The following ADAMTS6 variants were observed in gnomAD, a reference collection of about 807,000 sequenced individuals.
ADAMTS6 encodes A disintegrin and metalloproteinase with thrombospondin motifs 6.
In ADAMTS6, 23 loss-of-function variants were observed where a neutral mutation model predicts 144.3. That is an observed-to-expected ratio of 0.16 (90% CI 0.11 to 0.23). The LOEUF (loss-of-function observed/expected upper bound fraction) is 0.23, where lower values mean the gene tolerates loss of function less well. ADAMTS6 is among the 10% of genes least tolerant of loss of function. The pLI, the probability that ADAMTS6 is intolerant of heterozygous loss-of-function variation, is 1.00. For missense variants in ADAMTS6, 999 were observed against 1,379.6 expected (o/e 0.72, Z 4.37); for synonymous variants, 444 against 457.5 (o/e 0.97, Z 0.38).
rs781071055 is a variant in ADAMTS6 at position 65,197,119 on chromosome 5, A to G, written c.2608T>C (p.Leu870=). Residue 870 remains leucine, a synonymous_variant, in exon 21 of 25, where the codon TTG becomes CTG. Transcript: ENST00000381055. The part of the protein sequence containing the change: ...VQRQEVVCKR[L]DDNSIVQNNY... ...TTCTGGACAATGGAGTTGTCATCCA[A>G]CCTTTTACAGACCACCTCCTGTCTT... 11 of 1,613,970 alleles carry G rather than the reference A, an allele frequency of 6.8e-6. No individual in the cohort carries two copies. Among genetic ancestry groups the G allele is most frequent in the Non-Finnish European group, 8.5e-6 (10 of 1,179,910 alleles).
chr5:65,414,180 A>G lies in ADAMTS6; in HGVS notation c.1073+37295T>C, dbSNP rs141910826. ...CAGTTTACTACTACTCTTAGCTCAT[A>G]CCCCTTTGTCTATCACATTTTCTTA... On this transcript the variant is annotated intron_variant, in intron 7 of 24. Coordinates refer to ENST00000381055, the MANE Select transcript of ADAMTS6 (RefSeq NM_197941.4). 2.5e-3 allele frequency among the ~76,000 whole-genome samples: 385 copies of G among 152,186 alleles called. 4 individuals carry two copies. The highest frequency in any genetic ancestry group is 9.0e-3 in the African/African-American group (373 of 41,536).
chr5:65,172,688 T>A (rs1414371408), intron 23 of ADAMTS6, 144 bp downstream of exon 23: 1 of 941,052 alleles, frequency 1.1e-6, no homozygotes, highest in Non-Finnish European at 1.5e-6. Flanking sequence ...GTTTGTGCAC[T>A]GTTTCACACT....
intron 22 of ADAMTS6, among the ~76,000 whole-genome samples, chr5:65,174,696 T>G (rs1753859146): frequency 6.6e-6 from 1 of 152,170 alleles, no homozygotes; most frequent in African/African-American, 2.4e-5. Context: ...TTGGTTTTGT[T>G]TTTGACCTGG....
At chr5:65,279,675 T>G (rs188165819) in intron 11 of ADAMTS6, among the ~76,000 whole-genome samples, 1 of 152,332 alleles carries the variant, frequency 6.6e-6, no homozygotes, top group Non-Finnish European at 1.5e-5. Flanking sequence ...TGCTCTGATT[T>G]CTATGTCTTT....
intron 14 of ADAMTS6, among the ~76,000 whole-genome samples, chr5:65,242,837 C>G (rs1759311300): frequency 1.3e-5 from 2 of 151,926 alleles, no homozygotes; most frequent in Admixed American, 6.6e-5. Flanking sequence ...CAAAATGGCC[C>G]AAAACATGTA....
At chr5:65,274,544 G>A (rs988050506) in intron 11 of ADAMTS6, among the ~76,000 whole-genome samples, 1 of 151,998 alleles carries the variant, frequency 6.6e-6, no homozygotes. Flanking sequence ...ATGAAATATC[G>A]ATGTCACTGG....
intron 7 of ADAMTS6, among the ~76,000 whole-genome samples, chr5:65,419,237 T>A (rs1005704966): frequency 5.9e-5 from 9 of 152,178 alleles, no homozygotes; most frequent in African/African-American, 2.2e-4. Flanking sequence ...TAAAATCATG[T>A]CCTTTGCAGC....
chr5:65,436,342 A>G (rs1018609476), intron 7 of ADAMTS6, among the ~76,000 whole-genome samples: 3 of 152,296 alleles, frequency 2.0e-5, no homozygotes, highest in African/African-American at 7.2e-5. Flanking sequence ...TAAAGGATTG[A>G]AGGCCACCGA....
intron 3 of ADAMTS6, among the ~76,000 whole-genome samples, chr5:65,466,955 T>C: frequency 6.7e-6 from 1 of 150,374 alleles, no homozygotes; most frequent in East Asian, 2.0e-4. Flanking sequence ...CGCAGGAGAA[T>C]GGCGTGGACC....
chr5:65,436,166 C>T lies in ADAMTS6; in HGVS notation c.1073+15309G>A, dbSNP rs192190789. On this transcript the variant is annotated intron_variant, in intron 7 of 24. Coordinates refer to ENST00000381055, the MANE Select transcript of ADAMTS6 (RefSeq NM_197941.4). ...CTTGAGCTGAAGAGCTCGAGACCAACCTAAGCAACATAACCTAAGCAACAT... is the reference window on the plus strand; with the variant it reads ...CTTGAGCTGAAGAGCTCGAGACCAATCTAAGCAACATAACCTAAGCAACAT... Among the ~76,000 whole-genome samples, 24 of 151,608 alleles carry T rather than the reference C, an allele frequency of 1.6e-4. No individual in the cohort carries two copies. In the East Asian group the frequency reaches 3.5e-3, roughly 22 times the overall value.
rs538765794 is a variant in ADAMTS6, at chr5:65,370,336, G to A, written c.1074-36251C>T. On this transcript the variant is annotated intron_variant, in intron 7 of 24. Transcript: ENST00000381055. ...CCAGCATGAGCAACGCAGAAGGCGG[G>A]TGATTTCTGCATTTCCATCTGAGGT... 1.9e-3 allele frequency among the ~76,000 whole-genome samples: 282 copies of A among 152,324 alleles called. 10 individuals carry two copies. The South Asian group carries it at 0.055, about 30-fold the overall frequency.
chr5:65,351,863 T>G (rs2150090544), intron 7 of ADAMTS6, among the ~76,000 whole-genome samples: 1 of 151,968 alleles, frequency 6.6e-6, no homozygotes, highest in African/African-American at 2.4e-5. Context: ...AAAATTAAAC[T>G]GACCTAATTC....
intron 24 of ADAMTS6, among the ~76,000 whole-genome samples, chr5:65,155,211 G>A (rs540704731): frequency 1.3e-5 from 2 of 152,252 alleles, no homozygotes; most frequent in Admixed American, 1.3e-4. Context: ...TATCATTTGT[G>A]TAAGGCACAA....
At chr5:65,346,537 A>T (rs565135969) in intron 7 of ADAMTS6, among the ~76,000 whole-genome samples, 7 of 151,994 alleles carry the variant, frequency 4.6e-5, no homozygotes, top group African/African-American at 1.7e-4. Context: ...AATAAAAAAT[A>T]GGTGAAAGTT....
chr5:65,302,914 TA>T (rs1315890451), intron 9 of ADAMTS6, among the ~76,000 whole-genome samples: 1 of 151,976 alleles, frequency 6.6e-6, no homozygotes, highest in African/African-American at 2.4e-5. Flanking sequence ...CACTCTTTTC[TA>T]AAAAAAATCA....
At chr5:65,447,228 TA>T (rs1238476027) in intron 7 of ADAMTS6, among the ~76,000 whole-genome samples, 1 of 152,188 alleles carries the variant, frequency 6.6e-6, no homozygotes, top group Admixed American at 6.5e-5. Context: ...CAGATTTAGA[TA>T]TTGGCTTGAC....
At chr5:65,319,575 G>T (rs907697190) in intron 9 of ADAMTS6, among the ~76,000 whole-genome samples, 4 of 148,994 alleles carry the variant, frequency 2.7e-5, no homozygotes, top group Non-Finnish European at 6.0e-5. Flanking sequence ...AAATTAGCTG[G>T]GTGTGGTAGC....
At chr5:65,322,180 G>A (rs191167385) in intron 9 of ADAMTS6, among the ~76,000 whole-genome samples, 43 of 152,212 alleles carry the variant, frequency 2.8e-4, no homozygotes, top group Non-Finnish European at 4.1e-4. Context: ...ATAGTTGTAC[G>A]TGTGCAGCCT....
Position 65,402,324 on chromosome 5 carries a change from C to T in ADAMTS6, c.1073+49151G>A, listed in dbSNP as rs1369532811. Among the ~76,000 whole-genome samples the T allele has an allele frequency of 3.3e-5, 5 of 152,084 alleles. No homozygotes were observed. The South Asian group carries it at 8.3e-4, about 25-fold the overall frequency. On this transcript the variant is annotated intron_variant, in intron 7 of 24. Coordinates refer to ENST00000381055, the MANE Select transcript of ADAMTS6 (RefSeq NM_197941.4). Reference sequence around the variant, plus strand: ...AATCTCTACCTATCCTGCACTTCTACCCAACCAGATGAATGTGACTGAAGA... The same window carrying T: ...AATCTCTACCTATCCTGCACTTCTATCCAACCAGATGAATGTGACTGAAGA...
Sources: allele counts gnomAD v4.1 joint callset (sites outside exome capture counted in the v4.1 genomes callset), GRCh38; gene constraint gnomAD v4.1.1; transcripts MANE v1.5; gene names NCBI Gene and HGNC (gene_info 2026-07-23, HGNC 2026-07-21).